Variants in DNAAF5 observed in about 807,000 individuals in gnomAD.
The protein encoded by DNAAF5 is HEAT repeat containing 2.
Under a neutral mutation model 75.8 loss-of-function variants are expected in DNAAF5, and 64 were observed. That is an observed-to-expected ratio of 0.84 (90% CI 0.69 to 1.04). The LOEUF (loss-of-function observed/expected upper bound fraction) is 1.04, where lower values mean the gene tolerates loss of function less well. DNAAF5 is among the 50% of genes least tolerant of loss of function. DNAAF5 has a pLI of 0.00. For synonymous variants in DNAAF5, 657 were observed against 557.2 expected (o/e 1.18, Z -2.52); for missense variants, 1,269 against 1,178.5 (o/e 1.08, Z -1.12).
chr7:775,076 G>A lies in DNAAF5; in HGVS notation c.2153G>A (p.Arg718Gln), dbSNP rs752259246. Residue 718 changes from arginine to glutamine, a missense_variant, in exon 11 of 13, where the codon CGA (arginine) becomes CAA (glutamine). Arg to Gln is a conservative substitution (Grantham distance 43). Transcript: ENST00000297440. The part of the protein sequence containing the change: ...TTLEEDSKMT[R>Q]LISCRIINTF... ...CTGGAGGAGGATTCGAAGATGACGC[G>A]ACTGATCTCATGCCGTATTATCAAC... 13 of 1,614,022 alleles carry A rather than the reference G, an allele frequency of 8.1e-6. No individual in the cohort carries two copies. The highest frequency in any genetic ancestry group is 1.3e-5 in the African/African-American group (1 of 74,998).
intron 1 of DNAAF5, among the ~76,000 whole-genome samples, chr7:727,904 T>TTGGGGTGGGG (rs373402051): frequency 7.3e-5 from 11 of 151,158 alleles, no homozygotes; most frequent in African/African-American, 1.2e-4. Context: ...GTTAGGCGGT[T>TTGGGGTGGGG]TGGGGTGGGG....
intron 4 of DNAAF5, among the ~76,000 whole-genome samples, chr7:749,759 G>A (rs1168138992): frequency 6.6e-6 from 1 of 152,058 alleles, no homozygotes; most frequent in African/African-American, 2.4e-5. Flanking sequence ...GCAGTGGTGC[G>A]ATCCCAGCTC....
rs760488601 is a variant in DNAAF5 at position 754,691 on chromosome 7, G to A, written c.1127G>A (p.Arg376Gln). Residue 376 changes from arginine (R) to glutamine (Q), a missense_variant, in exon 5 of 13, where the codon CGA (arginine) becomes CAA (glutamine). Physicochemically the swap from Arg to Gln is conservative, Grantham distance 43 (BLOSUM62 1). Transcript: ENST00000297440. The surrounding 1 kb of genome is among the most constrained non-coding windows in gnomAD (Gnocchi z 4.8). ...ATCACCGACTGGGTGGTGGGGACCCGAGTGAAGTCGGCACAGCTGCTCCCA... is the reference window on the plus strand; with the variant it reads ...ATCACCGACTGGGTGGTGGGGACCCAAGTGAAGTCGGCACAGCTGCTCCCA... ...HDITDWVVGTRVKSAQLLPVL... is the reference protein window; with the variant it reads ...HDITDWVVGTQVKSAQLLPVL... 7.4e-6 allele frequency: 12 copies of A among 1,614,012 alleles called. No individual in the cohort carries two copies. Among genetic ancestry groups the A allele is most frequent in the Middle Eastern group, 1.6e-4 (1 of 6,062 alleles).
At chr7:728,898 C>G (rs905280583) in intron 1 of DNAAF5, among the ~76,000 whole-genome samples, 1 of 152,018 alleles carries the variant, frequency 6.6e-6, no homozygotes, top group African/African-American at 2.4e-5. Context: ...GGCGCTCACC[C>G]AAAGTCTCAC....
rs756968294 is a variant in DNAAF5, at chr7:726,941, C to A, written c.221C>A (p.Ala74Glu). 79 of 1,339,078 alleles carry A rather than the reference C, an allele frequency of 5.9e-5. No individual in the cohort carries two copies. In the African/African-American group the frequency reaches 1.0e-3, roughly 17 times the overall value. The allele number at this position is 1,339,078 out of a possible 1,614,324, so 82.9% of individuals were successfully genotyped here. ...ADPTAFQGPW[A>E]RLLLPRLLRC... Reference sequence around the variant, plus strand: ...CCCACCGCTTTCCAGGGCCCCTGGGCGCGCCTACTGCTGCCGCGCTTGCTG... The same window carrying A: ...CCCACCGCTTTCCAGGGCCCCTGGGAGCGCCTACTGCTGCCGCGCTTGCTG... The change falls in exon 1 of 13, where the codon GCG (alanine) becomes GAG (glutamate). Residue 74 changes from alanine (A) to glutamate (E), a missense_variant. Physicochemically the swap from Ala to Glu is moderately radical, Grantham distance 107. Transcript: ENST00000297440.
chr7:731,555 CATT>C (rs1394330749), intron 2 of DNAAF5, among the ~76,000 whole-genome samples: 4 of 152,222 alleles, frequency 2.6e-5, no homozygotes, highest in Non-Finnish European at 4.4e-5. Flanking sequence ...GCTGACATCA[CATT>C]GTTGATCTAA....
rs555500022 is a variant in DNAAF5, at chr7:774,119, G to C, written c.2003G>C (p.Arg668Thr). The change falls in exon 10 of 13, where the codon AGG becomes ACG. Residue 668 changes from arginine (R) to threonine (T), a missense_variant. Arg to Thr is a moderately conservative substitution (Grantham distance 71). Transcript: ENST00000297440. The stretch of plus-strand genomic sequence containing the variant: ...CCCAATCTGCAGTGGCATGCGGGGA[G>C]GACAGCCGCGGCCATCCGCACGGCT... ...LAPNLQWHAGRTAAAIRTAAV... is the reference protein window; with the variant it reads ...LAPNLQWHAGTTAAAIRTAAV... 1.1e-5 allele frequency: 17 copies of C among 1,613,130 alleles called. No homozygotes were observed. In the African/African-American group the frequency reaches 2.3e-4, roughly 22 times the overall value.
chr7:777,813 A>G (rs1322736236), intron 11 of DNAAF5, among the ~76,000 whole-genome samples: 4 of 152,322 alleles, frequency 2.6e-5, no homozygotes, highest in South Asian at 4.1e-4. Context: ...ATTCCTCAAG[A>G]TCACGAGACA....
At chr7:756,526 G>T (rs977182489) in intron 5 of DNAAF5, among the ~76,000 whole-genome samples, 1 of 152,206 alleles carries the variant, frequency 6.6e-6, no homozygotes, top group Non-Finnish European at 1.5e-5. Flanking sequence ...CCACAGCTGG[G>T]ACACAGCATC....
intron 12 of DNAAF5, among the ~76,000 whole-genome samples, chr7:783,818 A>G (rs939654241): frequency 2.0e-5 from 3 of 151,062 alleles, no homozygotes; most frequent in Non-Finnish European, 4.4e-5. Context: ...AGCTTCTCCT[A>G]CTCTCAGCCT....
intron 10 of DNAAF5, 31 bp downstream of exon 10, chr7:774,229 C>CGGGGTGGA: frequency 6.3e-7 from 1 of 1,577,506 alleles, no homozygotes; most frequent in East Asian, 2.2e-5. Context: ...TCGGTGGACA[C>CGGGGTGGA]CGGCCGGGGA....
intron 2 of DNAAF5, among the ~76,000 whole-genome samples, chr7:730,845 G>C (rs1020401556): frequency 6.6e-6 from 1 of 152,228 alleles, no homozygotes; most frequent in East Asian, 1.9e-4. Flanking sequence ...CGGAAGTTGA[G>C]TCACCATGTA....
intron 4 of DNAAF5, among the ~76,000 whole-genome samples, chr7:750,112 C>A (rs1164044436): frequency 1.3e-5 from 2 of 152,192 alleles, no homozygotes; most frequent in African/African-American, 4.8e-5. Context: ...GGGTGGTCCC[C>A]TCTGATAGTA....
intron 11 of DNAAF5, 136 bp from the exon 12 acceptor site, chr7:779,817 G>A: frequency 1.4e-6 from 1 of 706,624 alleles, no homozygotes; most frequent in South Asian, 1.9e-5. Flanking sequence ...GATGCACGGA[G>A]TCTCCCGTGA....
intron 11 of DNAAF5, among the ~76,000 whole-genome samples, chr7:777,136 C>T (rs529904986): frequency 2.6e-5 from 4 of 152,302 alleles, no homozygotes; most frequent in Admixed American, 6.5e-5. Context: ...GTAGAATTAT[C>T]TCATTATATG....
intron 2 of DNAAF5, among the ~76,000 whole-genome samples, chr7:738,010 G>A (rs532280255): frequency 3.3e-5 from 5 of 152,100 alleles, no homozygotes; most frequent in Non-Finnish European, 5.9e-5. Flanking sequence ...TTTCTACCCC[G>A]ATTTCTCTCT....
At chr7:745,563 G>C (rs970145680) in intron 4 of DNAAF5, among the ~76,000 whole-genome samples, 4 of 151,626 alleles carry the variant, frequency 2.6e-5, no homozygotes, top group South Asian at 2.1e-4. Context: ...ACACATCCTC[G>C]CACATGTGCA....
At chr7:751,917 C>T (rs1782309326) in intron 4 of DNAAF5, among the ~76,000 whole-genome samples, 1 of 152,060 alleles carries the variant, frequency 6.6e-6, no homozygotes, top group African/African-American at 2.4e-5. Flanking sequence ...TCCCTGAAGG[C>T]TTTTCTGTAG....
chr7:732,824 A>C (rs2128070273), intron 2 of DNAAF5, among the ~76,000 whole-genome samples: 1 of 152,278 alleles, frequency 6.6e-6, no homozygotes, highest in African/African-American at 2.4e-5. Context: ...GCTGTGCAGA[A>C]GCTTTTTAAC....
Sources: allele counts gnomAD v4.1 joint callset (sites outside exome capture counted in the v4.1 genomes callset), GRCh38; gene constraint gnomAD v4.1.1; non-coding constraint Gnocchi (gnomAD v3.1); transcripts MANE v1.5; gene names NCBI Gene and HGNC (gene_info 2026-07-23, HGNC 2026-07-21).